Variants in USH2A observed in about 807,000 individuals in gnomAD.
USH2A encodes Usher syndrome 2A (autosomal recessive, mild).
A neutral mutation model predicts 538.9 loss-of-function variants in USH2A; 443 were observed. The observed-to-expected ratio is 0.82, with a 90% CI of 0.76 to 0.89. The LOEUF is 0.89. Ranked by LOEUF, USH2A falls within the 40% of genes least tolerant of loss-of-function variation. The pLI is 0.00. For synonymous variants in USH2A, 2,413 were observed against 2,273.5 expected (o/e 1.06, Z -1.75); for missense variants, 6,633 against 6,324.8 (o/e 1.05, Z -1.65).
chr1:215,877,560 A>G (rs533123657), intron 43 of USH2A, among the ~76,000 whole-genome samples, 198 bp downstream of exon 43: 1 of 152,310 alleles, frequency 6.6e-6, no homozygotes, highest in East Asian at 1.9e-4. Context: ...GCTTATTTTA[A>G]GCATGCAGTT....
chr1:216,169,970 C>T (rs933904113), intron 21 of USH2A, among the ~76,000 whole-genome samples: 5 of 151,148 alleles, frequency 3.3e-5, no homozygotes, highest in African/African-American at 9.7e-5. Context: ...TTTTCAAGCG[C>T]TTTCTGTCAA....
intron 3 of USH2A, among the ~76,000 whole-genome samples, chr1:216,398,782 A>C (rs2039259789): frequency 1.3e-5 from 2 of 152,326 alleles, no homozygotes; most frequent in Admixed American, 1.3e-4. Context: ...TGGTGGTTCC[A>C]ATAAACCAAA....
intron 3 of USH2A, among the ~76,000 whole-genome samples, chr1:216,386,446 A>T (rs1028023008): frequency 2.6e-4 from 40 of 150,954 alleles, no homozygotes; most frequent in South Asian, 4.2e-4. Context: ...AGATCCTGCC[A>T]CTGCACTCCA....
chr1:216,148,460 C>A (rs2033759653), intron 21 of USH2A, among the ~76,000 whole-genome samples: 2 of 152,082 alleles, frequency 1.3e-5, no homozygotes, highest in Non-Finnish European at 2.9e-5. Flanking sequence ...TACCTCTACT[C>A]CCTCCTTGGT....
chr1:216,118,849 C>T (rs1013534669), intron 21 of USH2A, among the ~76,000 whole-genome samples: 2 of 152,178 alleles, frequency 1.3e-5, no homozygotes, highest in Non-Finnish European at 2.9e-5. Context: ...ATTACATCCA[C>T]AGAAAAAAGC....
chr1:215,917,647 A>G (rs967341295), intron 38 of USH2A, among the ~76,000 whole-genome samples: 7 of 151,776 alleles, frequency 4.6e-5, no homozygotes, highest in Non-Finnish European at 1.0e-4. Context: ...AAAATAGCAA[A>G]ATAAATTACT....
chr1:216,088,654 C>T (rs776195589), intron 23 of USH2A, among the ~76,000 whole-genome samples: 3 of 152,116 alleles, frequency 2.0e-5, no homozygotes, highest in Non-Finnish European at 2.9e-5. Context: ...TTTTTCTCAG[C>T]CTTGGTTTCC....
At chr1:215,839,648 G>A (rs991095932) in intron 46 of USH2A, among the ~76,000 whole-genome samples, 1 of 152,120 alleles carries the variant, frequency 6.6e-6, no homozygotes, top group African/African-American at 2.4e-5. Flanking sequence ...AACCTCAAAT[G>A]TTAGAGAAAT....
chr1:215,675,731 A>G, intron 62 of USH2A, 115 bp from the exon 63 acceptor site: 3 of 1,568,150 alleles, frequency 1.9e-6, no homozygotes, highest in Non-Finnish European at 1.7e-6. Flanking sequence ...ACCCTAATTT[A>G]GAAGAAGTAT....
At chr1:216,119,335 T>A (rs1174899676) in intron 21 of USH2A, among the ~76,000 whole-genome samples, 1 of 152,150 alleles carries the variant, frequency 6.6e-6, no homozygotes. Flanking sequence ...TGTTTCTAGG[T>A]CCTCCCTTTT....
intron 61 of USH2A, among the ~76,000 whole-genome samples, chr1:215,711,790 C>A (rs1159043973): frequency 2.0e-5 from 3 of 152,158 alleles, no homozygotes; most frequent in Non-Finnish European, 4.4e-5. Context: ...GTGCTGACAA[C>A]ATATTGACCA....
rs932668811 is a variant in USH2A at position 215,680,151 on chromosome 1, T to A, written c.12292A>T (p.Lys4098Ter). 6.2e-7 allele frequency: 1 copy of A among 1,613,912 alleles called. No individual in the cohort carries two copies. Among genetic ancestry groups the A allele is most frequent in the Non-Finnish European group, 8.5e-7 (1 of 1,179,786 alleles). Residue 4098 changes from lysine to a stop codon, truncating the protein, a stop_gained and splice_region_variant, in exon 62 of 72, where the codon AAG (lysine) becomes TAG (stop). Transcript: ENST00000307340. LOFTEE classifies it high-confidence loss of function. ...SEPMRTNGVI[K>*]TYNIFSDGFL... ...TTCTTATGCAGGGTAGACATTACCT[T>A]AATCACACCATTGGTTCTCATAGGT...
intron 4 of USH2A, among the ~76,000 whole-genome samples, chr1:216,348,225 C>A (rs972028840): frequency 6.6e-6 from 1 of 152,074 alleles, no homozygotes; most frequent in African/African-American, 2.4e-5. Flanking sequence ...CAATAAGCAT[C>A]TGTTTTATTT....
intron 64 of USH2A, among the ~76,000 whole-genome samples, chr1:215,668,344 C>T (rs1657697814): frequency 6.6e-6 from 1 of 152,164 alleles, no homozygotes; most frequent in Non-Finnish European, 1.5e-5. Flanking sequence ...TTTACACAGG[C>T]TAAATGAAAC....
chr1:215,996,563 T>TTTTTTTA (rs1668146056), intron 34 of USH2A, among the ~76,000 whole-genome samples: 1 of 17,266 alleles, frequency 5.8e-5, no homozygotes, highest in Non-Finnish European at 1.3e-4. Flanking sequence ...ATATTATGTT[T>TTTTTTTA]TTTTTTTTTT....
rs115494070 is a variant in USH2A, at chr1:215,723,621, G to C, written c.12066+4409C>G. On this transcript the variant is annotated intron_variant, in intron 61 of 71. Transcript: ENST00000307340. ...ACTGCAATCCTACAGTTGTGGGGAT[G>C]GACTCTGTGCCTCATTAATGGAGAA... 6.2e-3 allele frequency among the ~76,000 whole-genome samples: 944 copies of C among 152,298 alleles called. 1 individual carries two copies. The highest frequency in any genetic ancestry group is 1.0e-2 in the Non-Finnish European group (679 of 68,020).
rs772228242 is a variant in USH2A at position 215,732,466 on chromosome 1, C to T, written c.11712-4082G>A. Among the ~76,000 whole-genome samples, 18 of 150,808 alleles carry T rather than the reference C, an allele frequency of 1.2e-4. 1 individual carries two copies. The highest frequency in any genetic ancestry group is 1.9e-4 in the Non-Finnish European group (13 of 67,832). ...GTTTCTTATATTCCATTATATTTCA[C>T]GGTTCCATGGCTTTGGTATCTGCTA... On this transcript the variant is annotated intron_variant, in intron 60 of 71. Transcript: ENST00000307340.
rs1226447631 is a variant in USH2A at position 215,625,047 on chromosome 1, CTT to C, written c.*732_*733del. 2 of 152,110 alleles carry C rather than the reference CTT, an allele frequency of 1.3e-5. No homozygotes were observed. Among genetic ancestry groups the C allele is most frequent in the Non-Finnish European group, 2.9e-5 (2 of 68,004 alleles). 9.4% of individuals were successfully genotyped at this position (152,110 alleles called of 1,614,324 possible). A position where few individuals can be genotyped will look rare whatever the true frequency, so the allele number is the denominator to read the frequency against. ...AAGTAGAGGTGTTCCTAGTGAAACA[CTT>C]TGTTTTCTCCTCAAAATGTATAAAT... On this transcript the variant is annotated 3_prime_UTR_variant, in exon 72 of 72. Coordinates refer to ENST00000307340, the MANE Select transcript of USH2A (RefSeq NM_206933.4).
At chr1:215,855,910 A>G (rs1434758223) in intron 44 of USH2A, among the ~76,000 whole-genome samples, 2 of 152,204 alleles carry the variant, frequency 1.3e-5, no homozygotes, top group Non-Finnish European at 2.9e-5. Context: ...ATCTTTGACA[A>G]AAGAAACAAA....
Sources: allele counts gnomAD v4.1 joint callset (sites outside exome capture counted in the v4.1 genomes callset), GRCh38; gene constraint gnomAD v4.1.1; transcripts MANE v1.5; gene names NCBI Gene and HGNC (gene_info 2026-07-23, HGNC 2026-07-21).